Variants in KCNK1 observed in about 807,000 individuals in gnomAD.
The protein encoded by KCNK1 is potassium channel subfamily K member 1.
Under a neutral mutation model 22.2 loss-of-function variants are expected in KCNK1, and 10 were observed. The observed-to-expected ratio is 0.45, with a 90% CI of 0.28 to 0.76. The LOEUF (loss-of-function observed/expected upper bound fraction) is 0.76, where lower values mean the gene tolerates loss of function less well. Ranked by LOEUF, KCNK1 falls within the 30% of genes least tolerant of loss-of-function variation. The pLI, the probability that KCNK1 is intolerant of heterozygous loss-of-function variation, is 0.14. For synonymous variants in KCNK1, 200 were observed against 186.4 expected (o/e 1.07, Z -0.60); for missense variants, 378 against 421.0 (o/e 0.90, Z 0.89).
chr1:233,664,395 TC>T (rs1658454496), intron 1 of KCNK1, among the ~76,000 whole-genome samples: 1 of 152,196 alleles, frequency 6.6e-6, no homozygotes, highest in Non-Finnish European at 1.5e-5. Context: ...CATGTTATTC[TC>T]AAGGCACTCT....
At chr1:233,652,776 G>T (rs998235646) in intron 1 of KCNK1, among the ~76,000 whole-genome samples, 6 of 152,226 alleles carry the variant, frequency 3.9e-5, no homozygotes, top group African/African-American at 1.4e-4. Flanking sequence ...TTGGTTACTA[G>T]AACAAGCTCC....
rs1400997916 is a variant in KCNK1 at position 233,652,607 on chromosome 1, AAG to A, written c.356-13985_356-13984del. Among the ~76,000 whole-genome samples the A allele has an allele frequency of 5.9e-5, 9 of 152,342 alleles. No homozygotes were observed. In the South Asian group the frequency reaches 1.9e-3, roughly 32 times the overall value. ...TCACAGGTCTGGAGTGAGGGGGAAC[AAG>A]AGTTAACAAGTAACAAACATGGGGG... On this transcript the variant is annotated intron_variant, in intron 1 of 2. Coordinates refer to ENST00000366621, the MANE Select transcript of KCNK1 (RefSeq NM_002245.4).
intron 1 of KCNK1, among the ~76,000 whole-genome samples, chr1:233,628,788 T>C (rs1657739915): frequency 8.0e-6 from 1 of 124,690 alleles, no homozygotes; most frequent in African/African-American, 5.2e-5. Flanking sequence ...TAATAAATTT[T>C]AAAAGCCCAA....
chr1:233,636,509 G>A (rs908938290), intron 1 of KCNK1: 14 of 152,320 alleles, frequency 9.2e-5, no homozygotes, highest in African/African-American at 3.4e-4. Context: ...GCAACAGTGA[G>A]AAGAAGGTGC....
intron 1 of KCNK1, among the ~76,000 whole-genome samples, chr1:233,634,518 G>A (rs996321523): frequency 3.3e-5 from 5 of 152,174 alleles, no homozygotes; most frequent in Admixed American, 6.5e-5. Flanking sequence ...ATGTGCAGCA[G>A]TTGGAAGTGG....
chr1:233,640,334 A>C (rs541907344), intron 1 of KCNK1, among the ~76,000 whole-genome samples: 1 of 152,334 alleles, frequency 6.6e-6, no homozygotes, highest in Non-Finnish European at 1.5e-5. Flanking sequence ...GGGCAGGTGA[A>C]GTAATAAAGA....
At chr1:233,635,514 A>G (rs1375986291) in intron 1 of KCNK1, among the ~76,000 whole-genome samples, 1 of 152,194 alleles carries the variant, frequency 6.6e-6, no homozygotes, top group Non-Finnish European at 1.5e-5. Flanking sequence ...TCACGACTAT[A>G]TATATTTTTT....
Position 233,617,617 on chromosome 1 carries a change from A to T in KCNK1, c.355+3091A>T, listed in dbSNP as rs770081178. Among the ~76,000 whole-genome samples the T allele has an allele frequency of 3.4e-4, 51 of 152,208 alleles. 1 individual carries two copies. Among genetic ancestry groups the T allele is most frequent in the Non-Finnish European group, 1.9e-4 (13 of 68,044 alleles). On this transcript the variant is annotated intron_variant, in intron 1 of 2. Coordinates refer to ENST00000366621, the MANE Select transcript of KCNK1 (RefSeq NM_002245.4). ...AGACGAATGATTGGAGAACAAAAGGATATGATCTGACTGAGCACGGTGGCT... is the reference window on the plus strand; with the variant it reads ...AGACGAATGATTGGAGAACAAAAGGTTATGATCTGACTGAGCACGGTGGCT...
At chr1:233,664,780 G>A (rs1218811543) in intron 1 of KCNK1, among the ~76,000 whole-genome samples, 1 of 152,210 alleles carries the variant, frequency 6.6e-6, no homozygotes, top group Non-Finnish European at 1.5e-5. Flanking sequence ...GAATTTGGGG[G>A]ATTTGCAACT....
At chr1:233,632,894 C>T (rs1162339527) in intron 1 of KCNK1, among the ~76,000 whole-genome samples, 1 of 152,136 alleles carries the variant, frequency 6.6e-6, no homozygotes, top group African/African-American at 2.4e-5. Context: ...ATCTCTTAGG[C>T]AGTCTTTTCA....
At chr1:233,666,246 C>T (rs1489217001) in intron 1 of KCNK1, among the ~76,000 whole-genome samples, 1 of 152,072 alleles carries the variant, frequency 6.6e-6, no homozygotes, top group Non-Finnish European at 1.5e-5. Context: ...AGTGGGTAGC[C>T]TCGGATGAGT....
intron 1 of KCNK1, among the ~76,000 whole-genome samples, chr1:233,648,541 C>CTCTT (rs1228835069): frequency 6.6e-6 from 1 of 151,620 alleles, no homozygotes; most frequent in East Asian, 1.9e-4. Context: ...TAACAAAGGT[C>CTCTT]TCTTTCTTTC....
chr1:233,625,637 T>C (rs1252368971), intron 1 of KCNK1, among the ~76,000 whole-genome samples: 2 of 152,092 alleles, frequency 1.3e-5, no homozygotes, highest in Non-Finnish European at 2.9e-5. Context: ...TGGTGATAGG[T>C]GCTCAGGAAC....
rs701196 is a variant in KCNK1, at chr1:233,642,113, C to T, written c.356-24482C>T. Among the ~76,000 whole-genome samples the T allele has an allele frequency of 1.4e-3, 213 of 152,198 alleles. 1 individual carries two copies. The highest frequency in any genetic ancestry group is 4.8e-3 in the African/African-American group (201 of 41,528). ...AGAGGGAGGGCAGAGAGCTCCCCTG[C>T]GTCTTCTTCATTGTCTTCAGCTCAG... On this transcript the variant is annotated intron_variant, in intron 1 of 2. Coordinates refer to ENST00000366621, the MANE Select transcript of KCNK1 (RefSeq NM_002245.4).
At chr1:233,641,676 A>G (rs1480650878) in intron 1 of KCNK1, among the ~76,000 whole-genome samples, 3 of 152,188 alleles carry the variant, frequency 2.0e-5, no homozygotes, top group Non-Finnish European at 4.4e-5. Flanking sequence ...CTCAACCCTC[A>G]TAAGTTCATA....
At chr1:233,633,922 A>G (rs1657850032) in intron 1 of KCNK1, among the ~76,000 whole-genome samples, 1 of 152,204 alleles carries the variant, frequency 6.6e-6, no homozygotes, top group South Asian at 2.1e-4. Flanking sequence ...TCATTTATTA[A>G]TAGCTGGGTA....
At chr1:233,645,339 C>A (rs75774514) in intron 1 of KCNK1, among the ~76,000 whole-genome samples, 1 of 152,112 alleles carries the variant, frequency 6.6e-6, no homozygotes, top group East Asian at 1.9e-4. Flanking sequence ...TTGGAAAAAA[C>A]GTCCTTGTGG....
chr1:233,647,995 G>T (rs1472788362), intron 1 of KCNK1, among the ~76,000 whole-genome samples: 1 of 152,140 alleles, frequency 6.6e-6, no homozygotes, highest in Admixed American at 6.5e-5. Context: ...CTTATAGCCT[G>T]GGAGTTTGTG....
chr1:233,627,525 C>CCTA (rs1290594431), intron 1 of KCNK1, among the ~76,000 whole-genome samples: 4 of 151,992 alleles, frequency 2.6e-5, no homozygotes, highest in Non-Finnish European at 5.9e-5. Flanking sequence ...CACATCGCTA[C>CCTA]CTACCTGCCA....
Sources: allele counts gnomAD v4.1 joint callset (sites outside exome capture counted in the v4.1 genomes callset), GRCh38; gene constraint gnomAD v4.1.1; transcripts MANE v1.5; gene names NCBI Gene and HGNC (gene_info 2026-07-23, HGNC 2026-07-21).